PRUNE2: variants seen among roughly 807,000 people sequenced by gnomAD.
The protein encoded by PRUNE2 is prune homolog 2 with BCH domain, also known as protein prune homolog 2.
PRUNE2 carries 164 observed loss-of-function variants against 252.0 expected under a neutral mutation model. The observed-to-expected ratio is 0.65, with a 90% CI of 0.57 to 0.74. The LOEUF (loss-of-function observed/expected upper bound fraction) is 0.74. Ranked by LOEUF, PRUNE2 falls within the 30% of genes least tolerant of loss-of-function variation. The pLI is 0.00. For synonymous variants in PRUNE2, 1,292 were observed against 1,350.2 expected, an observed-to-expected ratio of 0.96 and a Z score of 0.94; for missense variants, 3,495 against 3,711.0, an observed-to-expected ratio of 0.94 and a Z score of 1.51.
intron 11 of PRUNE2, 57 bp from the exon 12 acceptor site, chr9:76,644,966 TA>T: frequency 6.7e-7 from 1 of 1,503,318 alleles, no homozygotes; most frequent in Admixed American, 1.9e-5. Flanking sequence ...ACAGTGCAGC[TA>T]AACAGCCAAA....
chr9:76,615,486 C>T (rs140226052), intron 18 of PRUNE2, among the ~76,000 whole-genome samples: 2 of 152,170 alleles, frequency 1.3e-5, no homozygotes, highest in Non-Finnish European at 2.9e-5. Flanking sequence ...TGGCAACTCA[C>T]GCTGCCTGCC....
Position 76,704,749 on chromosome 9 carries a change from A to C in PRUNE2, c.7513+12T>G. On this transcript the variant is annotated intron_variant, in intron 8 of 18. Coordinates refer to ENST00000376718, the MANE Select transcript of PRUNE2 (RefSeq NM_015225.3). Reference sequence around the variant, plus strand: ...CAGTTTCTTGGAAGTGGAAGAATGGAATGTTTCTTACCATTTGGTGGTCCT... The same window carrying C: ...CAGTTTCTTGGAAGTGGAAGAATGGCATGTTTCTTACCATTTGGTGGTCCT... The C allele has an allele frequency of 6.7e-7, 1 of 1,493,936 alleles. No individual in the cohort carries two copies. Among genetic ancestry groups the C allele is most frequent in the East Asian group, 2.4e-5 (1 of 40,958 alleles). The allele number at this position is 1,493,936 out of a possible 1,614,324, so 92.5% of individuals were successfully genotyped here.
At chr9:76,794,928 G>T (rs1044354880) in intron 6 of PRUNE2, among the ~76,000 whole-genome samples, 46 of 152,098 alleles carry the variant, frequency 3.0e-4, no homozygotes, top group Non-Finnish European at 4.9e-4. Flanking sequence ...ATTATTACTT[G>T]AATTATCAGT....
chr9:76,729,364 G>A (rs991058355), intron 6 of PRUNE2, among the ~76,000 whole-genome samples: 10 of 152,174 alleles, frequency 6.6e-5, no homozygotes, highest in African/African-American at 2.4e-4. Context: ...TGCTGATGTG[G>A]CTGGTCTGGG....
At chr9:76,870,411 T>C (rs1174789806) in intron 1 of PRUNE2, among the ~76,000 whole-genome samples, 40 of 149,424 alleles carry the variant, frequency 2.7e-4, no homozygotes, top group Admixed American at 1.5e-3. Context: ...TCCGGCCGGG[T>C]GCGGTGGCTC....
chr9:76,695,519 T>C (rs1292797541), intron 9 of PRUNE2, among the ~76,000 whole-genome samples: 1 of 152,090 alleles, frequency 6.6e-6, no homozygotes, highest in Non-Finnish European at 1.5e-5. Flanking sequence ...AAGAAAGGCA[T>C]GGGAACACTG....
At chr9:76,769,488 T>A (rs2052836478) in intron 6 of PRUNE2, among the ~76,000 whole-genome samples, 1 of 115,728 alleles carries the variant, frequency 8.6e-6, no homozygotes, top group African/African-American at 3.4e-5. Flanking sequence ...AATGGCACAA[T>A]CTCGGCTCGT....
chr9:76,858,757 T>C (rs1380514861), intron 1 of PRUNE2, among the ~76,000 whole-genome samples: 3 of 137,446 alleles, frequency 2.2e-5, no homozygotes, highest in Non-Finnish European at 4.6e-5. Flanking sequence ...TAAGGTATAA[T>C]TAAAAAAAAA....
intron 9 of PRUNE2, among the ~76,000 whole-genome samples, chr9:76,697,236 C>T (rs529627606): frequency 9.8e-5 from 15 of 152,292 alleles, no homozygotes; most frequent in African/African-American, 3.6e-4. Context: ...CAATACAACA[C>T]AAATGGACTC....
At chr9:76,843,140 A>C (rs1248525059) in intron 4 of PRUNE2, among the ~76,000 whole-genome samples, 1 of 152,198 alleles carries the variant, frequency 6.6e-6, no homozygotes. Context: ...CTATGCAGCC[A>C]AAAAAATAAA....
In PRUNE2 at chr9:76,737,593, G is replaced by GA. The variant is rs1407921625; in HGVS notation, c.757-23873dup. On this transcript the variant is annotated intron_variant, in intron 6 of 18. Coordinates refer to ENST00000376718, the MANE Select transcript of PRUNE2 (RefSeq NM_015225.3). The stretch of plus-strand genomic sequence containing the variant: ...GCAAAAACATATTTCCTGCTGTCAA[G>GA]AAAATTTCTGGCAAAATTAATCAAC... The GA allele has an allele frequency of 6.6e-5, 10 of 152,308 alleles. No homozygotes were observed. The East Asian group carries it at 1.9e-3, about 29-fold the overall frequency. The allele number at this position is 152,308 out of a possible 1,614,324, so 9.4% of individuals were successfully genotyped here.
At chr9:76,876,266 C>T (rs1415236244) in intron 1 of PRUNE2, among the ~76,000 whole-genome samples, 2 of 152,190 alleles carry the variant, frequency 1.3e-5, no homozygotes, top group African/African-American at 4.8e-5. Flanking sequence ...AAGTGAATTA[C>T]AGAGAATTGT....
At chr9:76,772,495 CCTT>C (rs1290318180) in intron 6 of PRUNE2, among the ~76,000 whole-genome samples, 3 of 152,134 alleles carry the variant, frequency 2.0e-5, no homozygotes, top group Admixed American at 2.0e-4. Context: ...CCAAAAATAA[CCTT>C]CTGTAGTTTT....
At chr9:76,641,571 C>T (rs1302625987) in intron 12 of PRUNE2, among the ~76,000 whole-genome samples, 3 of 152,180 alleles carry the variant, frequency 2.0e-5, no homozygotes, top group Admixed American at 2.0e-4. Flanking sequence ...CAGCTAACCC[C>T]TCAATTTCTA....
Position 76,766,044 on chromosome 9 carries a change from G to A in PRUNE2, c.757-52323C>T, listed in dbSNP as rs138258063. The stretch of plus-strand genomic sequence containing the variant: ...AAAAATACAAAAAAAATAGCCGCGC[G>A]TGGTGGCAGGCACCTGTAGTCCCAG... On this transcript the variant is annotated intron_variant, in intron 6 of 18. Coordinates refer to ENST00000376718, the MANE Select transcript of PRUNE2 (RefSeq NM_015225.3). Among the ~76,000 whole-genome samples the A allele has an allele frequency of 2.2e-3, 337 of 152,010 alleles. 3 individuals carry two copies. Among genetic ancestry groups the A allele is most frequent in the African/African-American group, 7.9e-3 (327 of 41,472 alleles).
chr9:76,844,214 G>A (rs2059550198), intron 4 of PRUNE2, among the ~76,000 whole-genome samples: 1 of 152,184 alleles, frequency 6.6e-6, no homozygotes, highest in Non-Finnish European at 1.5e-5. Flanking sequence ...ATGTTGAAAT[G>A]TGATCTCCAA....
Position 76,732,107 on chromosome 9 carries a change from G to A in PRUNE2, c.757-18386C>T, listed in dbSNP as rs1008710788. ...AGGCGGGTGGATCACGAGGTCAGGA[G>A]ATCAAGACCATCCTGGCTAACATGG... On this transcript the variant is annotated intron_variant, in intron 6 of 18. Transcript: ENST00000376718. 3.9e-5 allele frequency among the ~76,000 whole-genome samples: 6 copies of A among 152,142 alleles called. No homozygotes were observed. The South Asian group carries it at 1.2e-3, about 31-fold the overall frequency.
At chr9:76,869,892 TC>T (rs1417043258) in intron 1 of PRUNE2, among the ~76,000 whole-genome samples, 1 of 152,238 alleles carries the variant, frequency 6.6e-6, no homozygotes, top group Non-Finnish European at 1.5e-5. Flanking sequence ...CCAGAGCCCC[TC>T]AATTGGAAAA....
chr9:76,752,452 G>C (rs904398865), intron 6 of PRUNE2, among the ~76,000 whole-genome samples: 7 of 152,076 alleles, frequency 4.6e-5, no homozygotes, highest in African/African-American at 1.7e-4. Context: ...TTACAAAGCC[G>C]GGGATTGAAC....
Sources: allele counts gnomAD v4.1 joint callset (sites outside exome capture counted in the v4.1 genomes callset), GRCh38; gene constraint gnomAD v4.1.1; transcripts MANE v1.5; gene names NCBI Gene and HGNC (gene_info 2026-07-23, HGNC 2026-07-21).